OGDHL: variants seen among roughly 807,000 people sequenced by gnomAD.
The protein encoded by OGDHL is oxoglutarate dehydrogenase L.
OGDHL carries 79 observed loss-of-function variants against 109.6 expected under a neutral mutation model. The ratio of observed to expected loss-of-function variants is 0.72; its 90% CI spans 0.60 to 0.87. The LOEUF (loss-of-function observed/expected upper bound fraction) is 0.87, where lower values mean the gene tolerates loss of function less well. OGDHL is among the 40% of genes least tolerant of loss of function. OGDHL has a pLI of 0.00. For synonymous variants in OGDHL, 528 were observed against 537.2 expected, an observed-to-expected ratio of 0.98 and a Z score of 0.24; for missense variants, 1,275 against 1,362.2, an observed-to-expected ratio of 0.94 and a Z score of 1.01.
chr10:49,744,716 C>A lies in OGDHL; in HGVS notation c.1666G>T (p.Ala556Ser). The change falls in exon 13 of 23, where the codon GCT becomes TCT. Residue 556 changes from alanine (A) to serine (S), a missense_variant. By Grantham distance (99) the Ala-to-Ser change is moderately conservative. Transcript: ENST00000374103. ...IAKYDRICEE[A>S]YGRSKDKKIL... ...TTTTTATCCTTGGACCTGCCATAAG[C>A]CTCCTCACAGATCCGGTCGTATTTG... The A allele has an allele frequency of 6.2e-7, 1 of 1,614,206 alleles. No homozygotes were observed. The highest frequency in any genetic ancestry group is 8.5e-7 in the Non-Finnish European group (1 of 1,180,026).
chr10:49,744,636 C>A lies in OGDHL; in HGVS notation c.1732+14G>T. 6.2e-7 allele frequency: 1 copy of A among 1,606,778 alleles called. No homozygotes were observed. Reference sequence around the variant, plus strand: ...CCCAGGGGAGTCCCTCTGAGCCACACACTGCTCGCTCACCAGGCCAGGGGG... The same window carrying A: ...CCCAGGGGAGTCCCTCTGAGCCACAAACTGCTCGCTCACCAGGCCAGGGGG... On this transcript the variant is annotated intron_variant, in intron 13 of 22. Transcript: ENST00000374103.
At position 49,752,653 on chromosome 10, in the gene OGDHL, T is replaced by C. The variant is rs753342107; in HGVS notation, c.463A>G (p.Thr155Ala). The C allele has an allele frequency of 2.5e-6, 4 of 1,614,062 alleles. No individual in the cohort carries two copies. In the East Asian group the frequency reaches 6.7e-5, roughly 27 times the overall value. Reference sequence around the variant, plus strand: ...AGGGTCTTACCCAGTTTATCAATGGTTGTGATCAAGTCTGAGGGCACAAAG... The same window carrying C: ...AGGGTCTTACCCAGTTTATCAATGGCTGTGATCAAGTCTGAGGGCACAAAG... ...DSFVPSDLIT[T>A]IDKLAFYDLQ... The change falls in exon 4 of 23, where the codon ACC (threonine) becomes GCC (alanine). Residue 155 changes from threonine to alanine, a missense_variant. Transcript: ENST00000374103.
At chr10:49,749,420 C>T (rs902495711) in intron 8 of OGDHL, among the ~76,000 whole-genome samples, 5 of 152,130 alleles carry the variant, frequency 3.3e-5, no homozygotes, top group African/African-American at 9.7e-5. Context: ...GGAGGCACAG[C>T]CACATGAGCA....
Position 49,744,741 on chromosome 10 carries a change from G to T in OGDHL, c.1641C>A (p.Ala547=). 1 of 1,614,072 alleles carries T rather than the reference G, an allele frequency of 6.2e-7. No homozygotes were observed. Among genetic ancestry groups the T allele is most frequent in the Non-Finnish European group, 8.5e-7 (1 of 1,179,950 alleles). Residue 547 remains alanine (A), a synonymous_variant, in exon 13 of 23, where the codon GCC becomes GCA. Coordinates refer to ENST00000374103, the MANE Select transcript of OGDHL (RefSeq NM_018245.3). The part of the protein sequence containing the change: ...VTLQEFEEEI[A]KYDRICEEAY... ...CCTCCTCACAGATCCGGTCGTATTTGGCAATTTCTTCCTGGAATCAGGATG... is the reference window on the plus strand; with the variant it reads ...CCTCCTCACAGATCCGGTCGTATTTTGCAATTTCTTCCTGGAATCAGGATG...
intron 1 of OGDHL, among the ~76,000 whole-genome samples, chr10:49,761,845 T>C (rs976292061): frequency 6.6e-6 from 1 of 152,216 alleles, no homozygotes; most frequent in Non-Finnish European, 1.5e-5. Flanking sequence ...AAGCTGCCTA[T>C]GGGTCCCGCC....
chr10:49,745,620 C>A, intron 11 of OGDHL, 124 bp from the exon 12 acceptor site: 1 of 1,347,744 alleles, frequency 7.4e-7, no homozygotes, highest in Non-Finnish European at 1.0e-6. Context: ...TCCACTATCA[C>A]CTATCACCGA....
Position 49,756,951 on chromosome 10 carries a change from G to A in OGDHL, c.205-5C>T. 6.2e-7 allele frequency: 1 copy of A among 1,611,090 alleles called. No homozygotes were observed. Among genetic ancestry groups the A allele is most frequent in the Non-Finnish European group, 8.5e-7 (1 of 1,178,414 alleles). On this transcript the variant is annotated splice_polypyrimidine_tract_variant and splice_region_variant and intron_variant, in intron 2 of 22. Coordinates refer to ENST00000374103, the MANE Select transcript of OGDHL (RefSeq NM_018245.3). ...CCTGAAGAAGCTGTCCCAGGACTAG[G>A]CAGGGCAGAAACAAGAACGCAGCCA... is the stretch of plus-strand genomic sequence containing the variant.
chr10:49,736,472 G>C lies in OGDHL; in HGVS notation c.2639C>G (p.Ala880Gly). 1 of 1,613,872 alleles carries C rather than the reference G, an allele frequency of 6.2e-7. No individual in the cohort carries two copies. Among genetic ancestry groups the C allele is most frequent in the African/African-American group, 1.3e-5 (1 of 75,040 alleles). ...GATGAGCCGCTGCACCTGCTCAGGG[G>C]CCCGTGCTGCGGCCCCATCTTCAGG... ...VIPEDGAAAR[A>G]PEQVQRLIFC... Residue 880 changes from alanine to glycine, a missense_variant, in exon 21 of 23, where the codon GCC becomes GGC. Coordinates refer to ENST00000374103, the MANE Select transcript of OGDHL (RefSeq NM_018245.3).
At chr10:49,754,760 A>AGAT (rs149761052) in intron 3 of OGDHL, among the ~76,000 whole-genome samples, 2,259 of 152,314 alleles carry the variant, frequency 0.015, 20 homozygotes, top group Middle Eastern at 0.037. Flanking sequence ...ACAATGGGAC[A>AGAT]GATGAAATGA....
intron 17 of OGDHL, 52 bp downstream of exon 17, chr10:49,739,609 T>C: frequency 5.7e-6 from 9 of 1,586,146 alleles, no homozygotes; most frequent in Non-Finnish European, 7.7e-6. Context: ...ATCCCGCCCC[T>C]TCAAGGCCCG....
At chr10:49,736,619 C>T (rs1841214625) in intron 20 of OGDHL, 99 bp from the exon 21 acceptor site, 1 of 1,322,178 alleles carries the variant, frequency 7.6e-7, no homozygotes. Context: ...TAGCCACTGA[C>T]ACTAACTGCA....
intron 3 of OGDHL, among the ~76,000 whole-genome samples, chr10:49,753,855 G>A (rs926862434): frequency 2.1e-5 from 3 of 143,888 alleles, no homozygotes; most frequent in Admixed American, 7.3e-5. Flanking sequence ...GCACCACTGC[G>A]CTCTAGCCTG....
At position 49,736,551 on chromosome 10, in the gene OGDHL, T is replaced by C. The variant is rs761737006; in HGVS notation, c.2591-31A>G. 1.6e-5 allele frequency: 25 copies of C among 1,606,078 alleles called. No homozygotes were observed. In the East Asian group the frequency reaches 1.6e-4, roughly 10 times the overall value. ...GGACCAACAGGACATGGCAGAGGCGTTGGTACCCAGAGGGGCTGGGGCAGC... is the reference window on the plus strand; with the variant it reads ...GGACCAACAGGACATGGCAGAGGCGCTGGTACCCAGAGGGGCTGGGGCAGC... On this transcript the variant is annotated intron_variant, in intron 20 of 22. Transcript: ENST00000374103.
chr10:49,758,181 G>A (rs1296639877), intron 2 of OGDHL, among the ~76,000 whole-genome samples: 12 of 152,246 alleles, frequency 7.9e-5, no homozygotes, highest in Non-Finnish European at 1.8e-4. Context: ...GCAGGACATG[G>A]CCAGGGCCTC....
Position 49,747,039 on chromosome 10 carries a change from T to C in OGDHL, c.1157A>G (p.Gln386Arg). Residue 386 changes from glutamine to arginine, a missense_variant, in exon 9 of 23, where the codon CAG (glutamine) becomes CGG (arginine). Gln to Arg is a conservative substitution (Grantham distance 43). Transcript: ENST00000374103. ...KAEQFYRGDA[Q>R]GKKVMSILVH... ...CCCAGGTGAGCTCACCTTCTTGCCC[T>C]GGGCATCTCCACGGTAGAACTGCTC... 3.1e-6 allele frequency: 5 copies of C among 1,614,022 alleles called. No individual in the cohort carries two copies. The highest frequency in any genetic ancestry group is 1.1e-5 in the South Asian group (1 of 91,078).
rs148277788 is a variant in OGDHL, at chr10:49,742,869, G to A, written c.1971C>T (p.His657=). ...AFGSLLKEGI[H]VRLSGQDVER... Reference sequence around the variant, plus strand: ...CCACATCCTGCCCGCTGAGCCGCACGTGGATGCCTTCCTTCAGCAGGGAGC... The same window carrying A: ...CCACATCCTGCCCGCTGAGCCGCACATGGATGCCTTCCTTCAGCAGGGAGC... The change falls in exon 15 of 23, where the codon CAC becomes CAT. Residue 657 remains histidine (H), a synonymous_variant. Coordinates refer to ENST00000374103, the MANE Select transcript of OGDHL (RefSeq NM_018245.3). 4.2e-5 allele frequency: 67 copies of A among 1,613,922 alleles called. No individual in the cohort carries two copies. Among genetic ancestry groups the A allele is most frequent in the Non-Finnish European group, 5.3e-5 (62 of 1,179,964 alleles).
intron 6 of OGDHL, 120 bp from the exon 7 acceptor site, chr10:49,751,105 A>G: frequency 1.1e-6 from 1 of 942,602 alleles, no homozygotes; most frequent in Admixed American, 2.7e-5. Context: ...GAAGTCACAA[A>G]TCCTCCTTCC....
rs751287061 is a variant in OGDHL, at chr10:49,745,371, C to G, written c.1602G>C (p.Glu534Asp). 6.2e-7 allele frequency: 1 copy of G among 1,614,032 alleles called. No individual in the cohort carries two copies. Residue 534 changes from glutamate (E) to aspartate (D), a missense_variant, in exon 12 of 23, where the codon GAG becomes GAC. Transcript: ENST00000374103. ...CAAACTCCTGCAGGGTGACTGTGCCCTCGGCAATCAGCTTGTCTGCGTACT... is the reference window on the plus strand; with the variant it reads ...CAAACTCCTGCAGGGTGACTGTGCCGTCGGCAATCAGCTTGTCTGCGTACT... ...LKKYADKLIA[E>D]GTVTLQEFEE...
Position 49,758,952 on chromosome 10 carries a change from C to T in OGDHL, c.-1-359G>A, listed in dbSNP as rs1045954504. ...ACCCACCTAGGTCCTGGAGCCCACT[C>T]GGAGAGCCACAGGGCAGGTGCAGGG... On this transcript the variant is annotated intron_variant, in intron 1 of 22. Coordinates refer to ENST00000374103, the MANE Select transcript of OGDHL (RefSeq NM_018245.3). Among the ~76,000 whole-genome samples, 3 of 152,100 alleles carry T rather than the reference C, an allele frequency of 2.0e-5. No individual in the cohort carries two copies. In the East Asian group the frequency reaches 5.8e-4, roughly 29 times the overall value.
Sources: gnomAD v4.1 joint callset for allele counts (sites outside exome capture counted in the v4.1 genomes callset) on GRCh38, gnomAD v4.1.1 for gene constraint, MANE v1.5 for transcripts, NCBI Gene and HGNC (gene_info 2026-07-23, HGNC 2026-07-21) for gene names.